LRP2BP: variants seen among roughly 807,000 people sequenced by gnomAD.
LRP2BP encodes LRP2-binding protein.
A neutral mutation model predicts 45.2 loss-of-function variants in LRP2BP; 38 were observed. That is an observed-to-expected ratio of 0.84 (90% CI 0.65 to 1.10). The LOEUF (loss-of-function observed/expected upper bound fraction) is 1.10. Among genes scored for constraint, LRP2BP ranks in the 50% least tolerant of loss-of-function variants. The pLI is 0.00. For missense variants in LRP2BP, 385 were observed against 418.9 expected (o/e 0.92, Z 0.71); for synonymous variants, 153 against 153.9 (o/e 0.99, Z 0.04).
At chr4:185,375,455 CAAAAAAAAAAAAAAA>C (rs1193760497) in intron 4 of LRP2BP, among the ~76,000 whole-genome samples, 143 bp downstream of exon 4, 4 of 14,772 alleles carry the variant, frequency 2.7e-4, no homozygotes, top group African/African-American at 8.7e-4. Flanking sequence ...GACTCCGTCT[CAAAAAAAAAAAAAAA>C]AAAAAAAAAA....
intron 1 of LRP2BP, among the ~76,000 whole-genome samples, chr4:185,381,412 C>G (rs1838261): frequency 1 from 151,897 of 152,324 alleles, 75,737 homozygotes; most frequent in East Asian, 1. Context: ...GTTTTTGTTG[C>G]GGATAAACAT....
chr4:185,375,490 A>ATATATATATATATATATATG (rs2095431898), intron 4 of LRP2BP, 123 bp downstream of exon 4: 1 of 49,098 alleles, frequency 2.0e-5, no homozygotes, highest in Non-Finnish European at 3.2e-5. Flanking sequence ...AAAAAAAAAT[A>ATATATATATATATATATATG]TATATATATA....
At chr4:185,394,689 T>G (rs759869921) in intron 1 of LRP2BP, 90 bp downstream of exon 1, 1 of 901,316 alleles carries the variant, frequency 1.1e-6, no homozygotes, top group Non-Finnish European at 1.3e-6. Flanking sequence ...TTTACACTTC[T>G]TAGAAATACT....
Position 185,373,736 on chromosome 4 carries a change from AAG to A in LRP2BP, c.579+397_579+398del, listed in dbSNP as rs2126795046. ...TGGAAACTGTTTCAACCATTGATGA[AAG>A]AGATTATATTTCTGTGAAAATCTTA... On this transcript the variant is annotated intron_variant, in intron 6 of 8. Transcript: ENST00000505916. 1.3e-5 allele frequency among the ~76,000 whole-genome samples: 2 copies of A among 152,316 alleles called. 1 individual carries two copies. Among genetic ancestry groups the A allele is most frequent in the South Asian group, 4.1e-4 (2 of 4,824 alleles).
At position 185,370,782 on chromosome 4, in the gene LRP2BP, G is replaced by A. The variant is rs955414284; in HGVS notation, c.836C>T (p.Pro279Leu). 1 of 1,613,978 alleles carries A rather than the reference G, an allele frequency of 6.2e-7. No individual in the cohort carries two copies. Among genetic ancestry groups the A allele is most frequent in the Non-Finnish European group, 8.5e-7 (1 of 1,180,008 alleles). ...IADYDEVHDI[P>L]MIAQVTDCLP... ...ACAGTCTGTGACCTGGGCGATCATG[G>A]GGATGTCGTGAACCTCATCATAGTC... The change falls in exon 8 of 9, where the codon CCC becomes CTC. Residue 279 changes from proline (P) to leucine (L), a missense_variant. Pro to Leu is a moderately conservative substitution (Grantham distance 98). Coordinates refer to ENST00000505916, the MANE Select transcript of LRP2BP (RefSeq NM_001377440.1).
At chr4:185,394,160 A>G (rs1347469170) in intron 1 of LRP2BP, among the ~76,000 whole-genome samples, 22 of 151,556 alleles carry the variant, frequency 1.5e-4, no homozygotes, top group Admixed American at 1.4e-3. Flanking sequence ...TGGGTGGCTG[A>G]CGCACGAGAA....
Position 185,395,708 on chromosome 4 carries a change from T to C in LRP2BP, c.-951A>G. The stretch of plus-strand genomic sequence containing the variant: ...CTTGCGATTGCAAATTTTATGGCTC[T>C]TACTACAAAACAAAAAGTAGAATGA... On this transcript the variant is annotated 5_prime_UTR_variant, in exon 1 of 9. Coordinates refer to ENST00000505916, the MANE Select transcript of LRP2BP (RefSeq NM_001377440.1). The C allele has an allele frequency of 3.0e-6, 3 of 985,424 alleles. No homozygotes were observed. The highest frequency in any genetic ancestry group is 3.6e-6 in the Non-Finnish European group (3 of 829,918). The allele number at this position is 985,424 out of a possible 1,614,324, so 61.0% of individuals were successfully genotyped here. A position where few individuals can be genotyped will look rare whatever the true frequency, so the allele number is the denominator to read the frequency against.
At chr4:185,394,264 T>TAAAAAAAAAAAAA (rs56883920) in intron 1 of LRP2BP, among the ~76,000 whole-genome samples, 1 of 121,430 alleles carries the variant, frequency 8.2e-6, no homozygotes, top group Non-Finnish European at 1.7e-5. Flanking sequence ...GTTTCAGAGT[T>TAAAAAAAAAAAAA]AAAAAAAAAA....
intron 1 of LRP2BP, among the ~76,000 whole-genome samples, chr4:185,385,026 G>A (rs2095466783): frequency 6.6e-6 from 1 of 151,970 alleles, no homozygotes; most frequent in African/African-American, 2.4e-5. Context: ...GAGGAAAAGT[G>A]TGGGGAAAGA....
chr4:185,375,720 A>G lies in LRP2BP; in HGVS notation c.223T>C (p.Tyr75His). The stretch of plus-strand genomic sequence containing the variant: ...TCAAACTGTTCTAATGCTTCTTCAT[A>G]CCATCCCTAGAAGCACCCAGAAGAT... ...RGQLYFEEGW[Y>H]EEALEQFEEI... The change falls in exon 4 of 9, where the codon TAT becomes CAT. Residue 75 changes from tyrosine (Y) to histidine (H), a missense_variant. Transcript: ENST00000505916. The G allele has an allele frequency of 1.9e-6, 3 of 1,599,952 alleles. No individual in the cohort carries two copies. The highest frequency in any genetic ancestry group is 2.6e-6 in the Non-Finnish European group (3 of 1,169,636).
At chr4:185,388,844 G>A (rs2095479738) in intron 1 of LRP2BP, among the ~76,000 whole-genome samples, 1 of 151,742 alleles carries the variant, frequency 6.6e-6, no homozygotes, top group South Asian at 2.1e-4. Context: ...AGGAGAAAAA[G>A]TATAAAATGC....
rs568068743 is a variant in LRP2BP at position 185,385,273 on chromosome 4, C to T, written c.-21-7066G>A. On this transcript the variant is annotated intron_variant, in intron 1 of 8. Coordinates refer to ENST00000505916, the MANE Select transcript of LRP2BP (RefSeq NM_001377440.1). ...ACAGCTGCCGGGTCTTCTCTGGAGC[C>T]GATACTGTTACAGTTATAAATACAC... Among the ~76,000 whole-genome samples the T allele has an allele frequency of 4.6e-5, 7 of 152,116 alleles. No individual in the cohort carries two copies. The East Asian group carries it at 5.8e-4, about 13-fold the overall frequency.
At chr4:185,384,464 T>A (rs577140967) in intron 1 of LRP2BP, among the ~76,000 whole-genome samples, 2 of 152,218 alleles carry the variant, frequency 1.3e-5, no homozygotes, top group African/African-American at 4.8e-5. Context: ...GCCAAGTGTT[T>A]AAAGTTTCTG....
chr4:185,378,699 G>GAAGATACATGT, intron 1 of LRP2BP: 1 of 986,458 alleles, frequency 1.0e-6, no homozygotes, highest in Non-Finnish European at 1.2e-6. Flanking sequence ...GTCTGTATTG[G>GAAGATACATGT]ATTGCCATGT....
chr4:185,380,866 C>T (rs745715854), intron 1 of LRP2BP, among the ~76,000 whole-genome samples: 34 of 151,998 alleles, frequency 2.2e-4, no homozygotes, highest in Non-Finnish European at 4.9e-4. Context: ...TCTGGGTAAT[C>T]TCTTCAGTAA....
Position 185,370,706 on chromosome 4 carries a change from T to G in LRP2BP, c.912A>C (p.Ala304=), listed in dbSNP as rs776193908. The G allele has an allele frequency of 4.3e-6, 7 of 1,613,956 alleles. No individual in the cohort carries two copies. In the South Asian group the frequency reaches 7.7e-5, roughly 18 times the overall value. The change falls in exon 8 of 9, where the codon GCA becomes GCC. Residue 304 remains alanine, a synonymous_variant. Transcript: ENST00000505916. ...TGCCCAAGCCAAGCTGAAGACACCT[T>G]GCGTGGTAGAAGGATGCCATTGCCA... The part of the protein sequence containing the change: ...RGMAMASFYH[A]RCLQLGLGIT...
In LRP2BP at chr4:185,388,009, C is replaced by T. The variant is rs565436943; in HGVS notation, c.-22+6770G>A. 8.5e-5 allele frequency among the ~76,000 whole-genome samples: 13 copies of T among 152,296 alleles called. No individual in the cohort carries two copies. In the South Asian group the frequency reaches 2.7e-3, roughly 32 times the overall value. On this transcript the variant is annotated intron_variant, in intron 1 of 8. Coordinates refer to ENST00000505916, the MANE Select transcript of LRP2BP (RefSeq NM_001377440.1). ...CGACAGGAAAAGCGACGCAGTAGGC[C>T]GAGGACAGGCCGGCCCTAGGGGATG...
intron 8 of LRP2BP, among the ~76,000 whole-genome samples, chr4:185,368,431 C>T (rs952942817): frequency 1.3e-5 from 2 of 149,574 alleles, no homozygotes; most frequent in Admixed American, 6.7e-5. Flanking sequence ...GATTCTGCTC[C>T]CTCCCAACCT....
intron 6 of LRP2BP, among the ~76,000 whole-genome samples, chr4:185,373,336 C>T (rs1489247954): frequency 6.6e-6 from 1 of 152,116 alleles, no homozygotes; most frequent in Non-Finnish European, 1.5e-5. Context: ...ACCAGCTGTC[C>T]TAGGTTTCAG....
Sources: allele counts gnomAD v4.1 joint callset (sites outside exome capture counted in the v4.1 genomes callset), GRCh38; gene constraint gnomAD v4.1.1; transcripts MANE v1.5; gene names NCBI Gene and HGNC (gene_info 2026-07-23, HGNC 2026-07-21).